Variants in ARHGAP12 observed in about 807,000 individuals in gnomAD.
ARHGAP12 encodes rho GTPase-activating protein 12.
Under a neutral mutation model 108.6 loss-of-function variants are expected in ARHGAP12, and 64 were observed. The ratio of observed to expected loss-of-function variants is 0.59; its 90% CI spans 0.48 to 0.73. ARHGAP12 has a LOEUF of 0.73. Ranked by LOEUF, ARHGAP12 falls within the 30% of genes least tolerant of loss-of-function variation. ARHGAP12 has a pLI of 0.00. For synonymous variants in ARHGAP12, 312 were observed against 337.2 expected (o/e 0.93, Z 0.82); for missense variants, 940 against 1,005.9 (o/e 0.93, Z 0.89).
chr10:31,901,964 T>C (rs1026386685), intron 3 of ARHGAP12, among the ~76,000 whole-genome samples: 1 of 152,158 alleles, frequency 6.6e-6, no homozygotes, highest in Non-Finnish European at 1.5e-5. Flanking sequence ...TCAAGATCCT[T>C]AACTTAATCA....
chr10:31,838,535 A>T (rs1051408932), intron 9 of ARHGAP12, among the ~76,000 whole-genome samples: 1 of 151,642 alleles, frequency 6.6e-6, no homozygotes, highest in African/African-American at 2.4e-5. Flanking sequence ...ATTTTTAAAA[A>T]ATTAGCCAAG....
chr10:31,892,018 G>A (rs929032842), intron 3 of ARHGAP12, among the ~76,000 whole-genome samples: 3 of 152,038 alleles, frequency 2.0e-5, no homozygotes, highest in Admixed American at 6.6e-5. Flanking sequence ...TCTTTGCAAT[G>A]GGTTCGAACT....
intron 1 of ARHGAP12, among the ~76,000 whole-genome samples, 166 bp downstream of exon 1, chr10:31,928,517 T>C (rs1207954737): frequency 2.8e-5 from 4 of 144,320 alleles, no homozygotes; most frequent in African/African-American, 8.1e-5. Context: ...CCGACCTCCC[T>C]TTGCGCGCAC....
chr10:31,926,123 T>G (rs1236144502), intron 1 of ARHGAP12, among the ~76,000 whole-genome samples: 3 of 152,176 alleles, frequency 2.0e-5, no homozygotes, highest in Non-Finnish European at 4.4e-5. Context: ...GTGATTCCTA[T>G]GCACGTTAAA....
At chr10:31,810,596 C>G in intron 16 of ARHGAP12, 53 bp downstream of exon 16, 1 of 1,276,212 alleles carries the variant, frequency 7.8e-7, no homozygotes, top group African/African-American at 1.5e-5. Flanking sequence ...GATGGCAAAA[C>G]AAGAAGCTGG....
At chr10:31,927,900 G>A (rs1021372170) in intron 1 of ARHGAP12, among the ~76,000 whole-genome samples, 1 of 152,228 alleles carries the variant, frequency 6.6e-6, no homozygotes, top group Non-Finnish European at 1.5e-5. Flanking sequence ...TGGGAGGCGG[G>A]CTGCACGCTG....
chr10:31,839,462 G>T, intron 8 of ARHGAP12, 143 bp from the exon 9 acceptor site: 3 of 1,077,334 alleles, frequency 2.8e-6, no homozygotes, highest in East Asian at 2.8e-5. Flanking sequence ...AACAAAAGGG[G>T]GACTTTTAAA....
At chr10:31,830,177 G>A (rs1032640423) in intron 10 of ARHGAP12, among the ~76,000 whole-genome samples, 69 of 152,096 alleles carry the variant, frequency 4.5e-4, no homozygotes, top group African/African-American at 1.4e-3. Context: ...TAACCTATAA[G>A]GTTATAGAGA....
chr10:31,870,518 C>T (rs989566400), intron 3 of ARHGAP12, among the ~76,000 whole-genome samples: 1 of 151,958 alleles, frequency 6.6e-6, no homozygotes, highest in African/African-American at 2.4e-5. Flanking sequence ...GCTGAGCCAC[C>T]GGACCCAGCC....
At chr10:31,815,121 A>C (rs1303575904) in intron 13 of ARHGAP12, among the ~76,000 whole-genome samples, 33 of 37,110 alleles carry the variant, frequency 8.9e-4, no homozygotes, top group African/African-American at 3.0e-3. Flanking sequence ...ACTCTGTCTC[A>C]AAAAAAAAAA....
chr10:31,907,755 A>G (rs1275262421), intron 3 of ARHGAP12, among the ~76,000 whole-genome samples: 1 of 152,204 alleles, frequency 6.6e-6, no homozygotes, highest in East Asian at 1.9e-4. Context: ...TTCCAAGGAC[A>G]TCTTTCCTCA....
At chr10:31,880,522 CAAAA>C (rs1837906893) in intron 3 of ARHGAP12, among the ~76,000 whole-genome samples, 1 of 151,872 alleles carries the variant, frequency 6.6e-6, no homozygotes, top group African/African-American at 2.4e-5. Context: ...ATTTCTGAAA[CAAAA>C]AGAATAAGAT....
intron 9 of ARHGAP12, among the ~76,000 whole-genome samples, chr10:31,836,657 C>T (rs1836028342): frequency 6.6e-6 from 1 of 152,082 alleles, no homozygotes; most frequent in Non-Finnish European, 1.5e-5. Flanking sequence ...TATCACTAAG[C>T]CTTTATACCA....
chr10:31,881,039 C>T (rs1465112541), intron 3 of ARHGAP12, among the ~76,000 whole-genome samples: 4 of 151,952 alleles, frequency 2.6e-5, no homozygotes, highest in African/African-American at 7.3e-5. Flanking sequence ...ATTCCCCCCA[C>T]CTTCCCCTCC....
In ARHGAP12 at chr10:31,807,561, A is replaced by C; in HGVS notation, c.*97T>G. The C allele has an allele frequency of 7.9e-7, 1 of 1,265,466 alleles. No individual in the cohort carries two copies. Among genetic ancestry groups the C allele is most frequent in the Non-Finnish European group, 1.1e-6 (1 of 935,652 alleles). 78.4% of individuals were successfully genotyped at this position (1,265,466 alleles called of 1,614,324 possible). On this transcript the variant is annotated 3_prime_UTR_variant, in exon 20 of 20. Coordinates refer to ENST00000344936, the MANE Select transcript of ARHGAP12 (RefSeq NM_018287.7). Reference sequence around the variant, plus strand: ...TCAAAAAAAAAGTGCAAAATCAAAGAGTCACTGCTTGGTCCAAAAAATAAA... The same window carrying C: ...TCAAAAAAAAAGTGCAAAATCAAAGCGTCACTGCTTGGTCCAAAAAATAAA...
chr10:31,925,381 A>C (rs1335569898), intron 1 of ARHGAP12, among the ~76,000 whole-genome samples: 1 of 152,234 alleles, frequency 6.6e-6, no homozygotes. Context: ...TTAGATTTAC[A>C]TAATTACTGC....
At chr10:31,897,972 A>G (rs1838773234) in intron 3 of ARHGAP12, among the ~76,000 whole-genome samples, 1 of 152,086 alleles carries the variant, frequency 6.6e-6, no homozygotes, top group Non-Finnish European at 1.5e-5. Flanking sequence ...CAAAAAATAC[A>G]AAAACTAGCC....
chr10:31,918,944 C>T (rs540375036), intron 1 of ARHGAP12, among the ~76,000 whole-genome samples: 2 of 152,324 alleles, frequency 1.3e-5, no homozygotes, highest in South Asian at 2.1e-4. Flanking sequence ...TCCATGTTCA[C>T]AGCAGCATTA....
intron 3 of ARHGAP12, among the ~76,000 whole-genome samples, chr10:31,873,720 T>C (rs184281880): frequency 1.3e-5 from 2 of 152,354 alleles, no homozygotes; most frequent in South Asian, 2.1e-4. Context: ...CAGTAACTGC[T>C]TTCCCAATCC....
Sources: allele counts gnomAD v4.1 joint callset (sites outside exome capture counted in the v4.1 genomes callset), GRCh38; gene constraint gnomAD v4.1.1; transcripts MANE v1.5; gene names NCBI Gene and HGNC (gene_info 2026-07-23, HGNC 2026-07-21).